The following COL19A1 variants were observed in gnomAD, a reference collection of about 807,000 sequenced individuals.
The protein encoded by COL19A1 is collagen type XIX alpha 1 chain, also known as collagen alpha-1(XIX) chain.
COL19A1 carries 159 observed loss-of-function variants against 190.2 expected under a neutral mutation model. The observed-to-expected ratio is 0.84, with a 90% CI of 0.73 to 0.95. The LOEUF is 0.95. Among genes scored for constraint, COL19A1 ranks in the 40% least tolerant of loss-of-function variants. COL19A1 has a pLI of 0.00. For missense variants in COL19A1, 1,418 were observed against 1,431.9 expected (o/e 0.99, Z 0.16); for synonymous variants, 509 against 458.9 (o/e 1.11, Z -1.39).
chr6:70,200,731 T>C (rs925753474), intron 49 of COL19A1, among the ~76,000 whole-genome samples: 1 of 152,232 alleles, frequency 6.6e-6, no homozygotes, highest in African/African-American at 2.4e-5. Context: ...CCAAGGTGAC[T>C]GATGTGCCCT....
Position 70,068,487 on chromosome 6 carries a change from C to A in COL19A1, c.1224+11C>A. On this transcript the variant is annotated intron_variant, in intron 15 of 50. Coordinates refer to ENST00000620364, the MANE Select transcript of COL19A1 (RefSeq NM_001858.6). ...AAAGAGGGTCAGAGGGTAAGTAAAG[C>A]TGGAACAACTGGTGGGCATTACTAA... The A allele has an allele frequency of 6.4e-7, 1 of 1,558,198 alleles. No homozygotes were observed.
chr6:69,986,912 AT>A (rs1489296749), intron 11 of COL19A1, among the ~76,000 whole-genome samples: 1 of 151,906 alleles, frequency 6.6e-6, no homozygotes, highest in Non-Finnish European at 1.5e-5. Flanking sequence ...ATTTTGTTTC[AT>A]TTTGTGTTGT....
At position 70,184,363 on chromosome 6, in the gene COL19A1, A is replaced by G. The variant is rs573179915; in HGVS notation, c.2776-340A>G. Among the ~76,000 whole-genome samples, 22 of 152,364 alleles carry G rather than the reference A, an allele frequency of 1.4e-4. No homozygotes were observed. The Middle Eastern group carries it at 0.014, about 94-fold the overall frequency. On this transcript the variant is annotated intron_variant, in intron 44 of 50. Coordinates refer to ENST00000620364, the MANE Select transcript of COL19A1 (RefSeq NM_001858.6). Reference sequence around the variant, plus strand: ...CCTAATAGAAGAATAAGAAAGGAAAATAATCTTTGTTGACTATTTATAGAG... The same window carrying G: ...CCTAATAGAAGAATAAGAAAGGAAAGTAATCTTTGTTGACTATTTATAGAG...
intron 14 of COL19A1, among the ~76,000 whole-genome samples, chr6:70,057,655 A>G (rs1046480028): frequency 1.3e-5 from 2 of 152,110 alleles, no homozygotes; most frequent in Admixed American, 6.6e-5. Flanking sequence ...TAAATTAAGG[A>G]ACGCAGGTTA....
At chr6:70,128,997 C>T (rs965246337) in intron 17 of COL19A1, among the ~76,000 whole-genome samples, 12 of 152,106 alleles carry the variant, frequency 7.9e-5, no homozygotes, top group African/African-American at 2.9e-4. Context: ...GTAAAACTAA[C>T]AGGAGGCTTT....
At position 70,211,838 on chromosome 6, in the gene COL19A1, C is replaced by T. The variant is rs1768225804; in HGVS notation, c.*4564C>T. Among the ~76,000 whole-genome samples the T allele has an allele frequency of 6.6e-6, 1 of 151,738 alleles. No homozygotes were observed. Among genetic ancestry groups the T allele is most frequent in the African/African-American group, 2.4e-5 (1 of 41,286 alleles). On this transcript the variant is annotated 3_prime_UTR_variant, in exon 51 of 51. Coordinates refer to ENST00000620364, the MANE Select transcript of COL19A1 (RefSeq NM_001858.6). ...GAAAACTTATTCGGACAAGTAGACCCAGCACAGCAAAAATTTGTCTGAAAG... is the reference window on the plus strand; with the variant it reads ...GAAAACTTATTCGGACAAGTAGACCTAGCACAGCAAAAATTTGTCTGAAAG...
chr6:70,055,757 G>A (rs2150136485), intron 14 of COL19A1, among the ~76,000 whole-genome samples: 1 of 142,218 alleles, frequency 7.0e-6, no homozygotes, highest in South Asian at 2.2e-4. Flanking sequence ...ACTCCAGCCT[G>A]GGAGACAGAG....
At chr6:69,983,065 C>A (rs576594826) in intron 11 of COL19A1, among the ~76,000 whole-genome samples, 4 of 151,644 alleles carry the variant, frequency 2.6e-5, no homozygotes, top group South Asian at 2.1e-4. Context: ...TACATACACA[C>A]AACTTGCTGA....
At chr6:70,198,303 C>G (rs1316192886) in intron 48 of COL19A1, among the ~76,000 whole-genome samples, 1 of 152,090 alleles carries the variant, frequency 6.6e-6, no homozygotes, top group Non-Finnish European at 1.5e-5. Flanking sequence ...TTTGTCTGCA[C>G]CAAACCCAGA....
At chr6:69,964,131 C>T (rs183971402) in intron 11 of COL19A1, among the ~76,000 whole-genome samples, 7 of 152,270 alleles carry the variant, frequency 4.6e-5, no homozygotes, top group Non-Finnish European at 4.4e-5. Context: ...TGCCAGTGAT[C>T]AGTTGTTTGC....
At chr6:69,883,413 G>T (rs1260379125) in intron 2 of COL19A1, among the ~76,000 whole-genome samples, 1 of 152,214 alleles carries the variant, frequency 6.6e-6, no homozygotes, top group Non-Finnish European at 1.5e-5. Context: ...CAGGTGGACA[G>T]GCAGGCTTCT....
intron 16 of COL19A1, among the ~76,000 whole-genome samples, chr6:70,106,202 A>T (rs1783948645): frequency 6.6e-6 from 1 of 152,168 alleles, no homozygotes; most frequent in African/African-American, 2.4e-5. Flanking sequence ...AAGTGTTTTA[A>T]CCAGTCCTTC....
chr6:69,908,495 G>A (rs1306410614), intron 4 of COL19A1, among the ~76,000 whole-genome samples: 1 of 152,114 alleles, frequency 6.6e-6, no homozygotes, highest in Non-Finnish European at 1.5e-5. Context: ...TAGTCATTAA[G>A]TCATACTTTT....
intron 47 of COL19A1, among the ~76,000 whole-genome samples, chr6:70,189,145 A>T (rs1416403543): frequency 6.6e-6 from 1 of 151,974 alleles, no homozygotes; most frequent in Admixed American, 6.6e-5. Flanking sequence ...GATTTTTTTT[A>T]TTTTTATTTT....
At chr6:70,166,811 CT>C (rs1344970185) in intron 37 of COL19A1, among the ~76,000 whole-genome samples, 11 of 152,068 alleles carry the variant, frequency 7.2e-5, no homozygotes, top group Admixed American at 7.2e-4. Context: ...TGTTACTGAC[CT>C]TTTCCCTTGA....
intron 18 of COL19A1, among the ~76,000 whole-genome samples, chr6:70,133,533 T>C: frequency 6.6e-6 from 1 of 152,162 alleles, no homozygotes; most frequent in East Asian, 1.9e-4. Flanking sequence ...TACTTGCAAG[T>C]TACTTGAGGA....
intron 4 of COL19A1, among the ~76,000 whole-genome samples, chr6:69,919,945 G>C (rs550640316): frequency 2.6e-5 from 4 of 152,156 alleles, no homozygotes; most frequent in East Asian, 1.9e-4. Context: ...AGGTGTGTGA[G>C]GGGGTGCAGT....
chr6:70,044,685 C>G (rs1192183441), intron 14 of COL19A1, among the ~76,000 whole-genome samples: 1 of 152,166 alleles, frequency 6.6e-6, no homozygotes, highest in African/African-American at 2.4e-5. Context: ...CATTCTCTCT[C>G]TCTTCCCTTT....
intron 17 of COL19A1, among the ~76,000 whole-genome samples, chr6:70,125,600 G>A (rs949995511): frequency 3.9e-5 from 6 of 152,014 alleles, no homozygotes; most frequent in Middle Eastern, 3.4e-3. Context: ...AAAAGCAAAT[G>A]AGGAAGAAAA....
Sources: allele counts gnomAD v4.1 joint callset (sites outside exome capture counted in the v4.1 genomes callset), GRCh38; gene constraint gnomAD v4.1.1; transcripts MANE v1.5; gene names NCBI Gene and HGNC (gene_info 2026-07-23, HGNC 2026-07-21).